The following KCNG2 variants were observed in gnomAD, a reference collection of about 807,000 sequenced individuals.
The protein encoded by KCNG2 is voltage-gated potassium channel regulatory subunit KCNG2.
A neutral mutation model predicts 12.3 loss-of-function variants in KCNG2; 7 were observed. The ratio of observed to expected loss-of-function variants is 0.57; its 90% CI spans 0.32 to 1.07. The LOEUF (loss-of-function observed/expected upper bound fraction) is 1.07. Ranked by LOEUF, KCNG2 falls within the 50% of genes least tolerant of loss-of-function variation. KCNG2 has a pLI of 0.04. For synonymous variants in KCNG2, 414 were observed against 351.4 expected (o/e 1.18, Z -1.99); for missense variants, 703 against 726.0 (o/e 0.97, Z 0.36).
chr18:79,800,855 T>G lies in KCNG2; in HGVS notation c.-115+2841T>G, dbSNP rs781030623. Reference sequence around the variant, plus strand: ...ACCCGAAGCAAATGTCAAGTCAAAATGGGTCCCCGGCGGGGCCAGGAGAAC... The same window carrying G: ...ACCCGAAGCAAATGTCAAGTCAAAAGGGGTCCCCGGCGGGGCCAGGAGAAC... On this transcript the variant is annotated intron_variant, in intron 1 of 3. Transcript: ENST00000316249. This position sits in a 1 kb window ranked among gnomAD's most constrained non-coding sequence, Gnocchi z 4.0. Among the ~76,000 whole-genome samples the G allele has an allele frequency of 6.6e-6, 1 of 152,190 alleles. No homozygotes were observed. The highest frequency in any genetic ancestry group is 2.4e-5 in the African/African-American group (1 of 41,452).
intron 3 of KCNG2, among the ~76,000 whole-genome samples, chr18:79,895,341 CTG>C (rs1420369035): frequency 1.3e-5 from 2 of 152,058 alleles, no homozygotes; most frequent in Admixed American, 6.6e-5. Context: ...ATAGTTGAGT[CTG>C]TGTCTGCTTT....
intron 1 of KCNG2, among the ~76,000 whole-genome samples, chr18:79,826,370 C>T (rs1057448137): frequency 6.6e-6 from 1 of 152,268 alleles, no homozygotes; most frequent in Non-Finnish European, 1.5e-5. Flanking sequence ...GTTCTGCTCC[C>T]TTCCCAGGCC....
At chr18:79,838,129 AG>A (rs1568251821) in intron 1 of KCNG2, among the ~76,000 whole-genome samples, 1 of 152,132 alleles carries the variant, frequency 6.6e-6, no homozygotes. Context: ...CAAGAACAGC[AG>A]GGGGGAACTG....
Position 79,884,726 on chromosome 18 carries a change from C to T in KCNG2, c.625-14314C>T, listed in dbSNP as rs1047955108. 2.0e-5 allele frequency among the ~76,000 whole-genome samples: 3 copies of T among 152,208 alleles called. No homozygotes were observed. The highest frequency in any genetic ancestry group is 2.9e-5 in the Non-Finnish European group (2 of 68,034). On this transcript the variant is annotated intron_variant, in intron 3 of 3. Coordinates refer to ENST00000316249, the MANE Select transcript of KCNG2 (RefSeq NM_012283.2). The surrounding 1 kb of genome is among the most constrained non-coding windows in gnomAD (Gnocchi z 5.5). ...GACACGTGGCTTCGTGATGGGGAGCCACGGGGGCAGGGGTCCGCCCGGCTC... is the reference window on the plus strand; with the variant it reads ...GACACGTGGCTTCGTGATGGGGAGCTACGGGGGCAGGGGTCCGCCCGGCTC...
At chr18:79,875,531 G>A (rs900568459) in intron 3 of KCNG2, among the ~76,000 whole-genome samples, 3 of 152,200 alleles carry the variant, frequency 2.0e-5, no homozygotes, top group Non-Finnish European at 4.4e-5. Context: ...TTCTCCTGTC[G>A]GCCTTTGTTA....
At chr18:79,858,962 G>A (rs374316702) in intron 2 of KCNG2, among the ~76,000 whole-genome samples, 55 of 152,226 alleles carry the variant, frequency 3.6e-4, no homozygotes, top group African/African-American at 1.3e-3. Context: ...TAACATCCTG[G>A]ATACTGGACT....
chr18:79,835,901 A>C lies in KCNG2; in HGVS notation c.-114-20478A>C, dbSNP rs190607590. The stretch of plus-strand genomic sequence containing the variant: ...AGAACAGATACAAAAAACACAAGAG[A>C]TAAATCAAAATAGAATTGTCAAATA... On this transcript the variant is annotated intron_variant, in intron 1 of 3. Transcript: ENST00000316249. 4.4e-3 allele frequency among the ~76,000 whole-genome samples: 670 copies of C among 152,364 alleles called. 3 individuals carry two copies. Among genetic ancestry groups the C allele is most frequent in the Non-Finnish European group, 7.3e-3 (497 of 68,040 alleles).
chr18:79,876,979 G>T (rs187135351), intron 3 of KCNG2, among the ~76,000 whole-genome samples: 1 of 152,328 alleles, frequency 6.6e-6, no homozygotes, highest in Admixed American at 6.5e-5. Context: ...ACGAGTTAAC[G>T]CAGGGTGCGC....
chr18:79,847,379 CAATCAA>C (rs1392386783), intron 1 of KCNG2, among the ~76,000 whole-genome samples: 5 of 152,210 alleles, frequency 3.3e-5, no homozygotes. Flanking sequence ...CCAGTCAAGA[CAATCAA>C]AACCTGGACA....
intron 1 of KCNG2, among the ~76,000 whole-genome samples, chr18:79,824,522 T>C (rs1453855247): frequency 6.6e-6 from 1 of 152,228 alleles, no homozygotes; most frequent in African/African-American, 2.4e-5. Context: ...TCTAGTTTTA[T>C]TCATTAATAC....
intron 1 of KCNG2, among the ~76,000 whole-genome samples, chr18:79,840,602 A>ATATAGAAAG (rs1446333797): frequency 1.3e-5 from 2 of 152,234 alleles, no homozygotes; most frequent in Admixed American, 6.5e-5. Flanking sequence ...TCTAAAATTT[A>ATATAGAAAG]TATAGAAAGT....
At chr18:79,860,033 G>A (rs965535587) in intron 2 of KCNG2, among the ~76,000 whole-genome samples, 5 of 152,208 alleles carry the variant, frequency 3.3e-5, no homozygotes, top group Admixed American at 3.3e-4. Flanking sequence ...AGCTTCTGGG[G>A]AGGCTTTGGG....
At chr18:79,823,607 T>C (rs1335269630) in intron 1 of KCNG2, among the ~76,000 whole-genome samples, 1 of 152,204 alleles carries the variant, frequency 6.6e-6, no homozygotes, top group African/African-American at 2.4e-5. Context: ...CTTTTGTGAA[T>C]GGCCTGTTCA....
At chr18:79,817,318 G>A (rs1599368260) in intron 1 of KCNG2, among the ~76,000 whole-genome samples, 2 of 152,170 alleles carry the variant, frequency 1.3e-5, no homozygotes. Context: ...CTGCCACATG[G>A]CCGCCACTCA....
chr18:79,874,451 CGTCA>C (rs1222598979), intron 3 of KCNG2, among the ~76,000 whole-genome samples: 2 of 152,222 alleles, frequency 1.3e-5, no homozygotes, highest in African/African-American at 2.4e-5. Flanking sequence ...ACTTACTGCG[CGTCA>C]GTCAGAGTCC....
At chr18:79,883,381 C>T (rs1362402367) in intron 3 of KCNG2, among the ~76,000 whole-genome samples, 3 of 152,242 alleles carry the variant, frequency 2.0e-5, no homozygotes, top group Admixed American at 6.5e-5. Flanking sequence ...AAGCTGAGCT[C>T]TGATGAGCGA....
intron 1 of KCNG2, among the ~76,000 whole-genome samples, chr18:79,830,381 A>G (rs1478085960): frequency 3.3e-5 from 5 of 152,248 alleles, no homozygotes; most frequent in Non-Finnish European, 7.3e-5. Flanking sequence ...CATGTCTGCA[A>G]GGGAGGCCTC....
intron 1 of KCNG2, among the ~76,000 whole-genome samples, chr18:79,851,299 C>T (rs1978807564): frequency 6.6e-6 from 1 of 152,140 alleles, no homozygotes; most frequent in Non-Finnish European, 1.5e-5. Context: ...TGCTTCTGTT[C>T]TCAAGATATC....
At chr18:79,834,176 C>A (rs891412101) in intron 1 of KCNG2, among the ~76,000 whole-genome samples, 1 of 152,234 alleles carries the variant, frequency 6.6e-6, no homozygotes, top group East Asian at 1.9e-4. Context: ...AGCGTCAGAG[C>A]GGCTTGGACC....
Sources: allele counts gnomAD v4.1 joint callset (sites outside exome capture counted in the v4.1 genomes callset), GRCh38; gene constraint gnomAD v4.1.1; non-coding constraint Gnocchi (gnomAD v3.1); transcripts MANE v1.5; gene names NCBI Gene and HGNC (gene_info 2026-07-23, HGNC 2026-07-21).